BRAF: variants seen among roughly 807,000 people sequenced by gnomAD.
The protein encoded by BRAF is B-Raf proto-oncogene, serine/threonine kinase, also known as serine/threonine-protein kinase B-raf.
BRAF carries 16 observed loss-of-function variants against 104.6 expected under a neutral mutation model. The ratio of observed to expected loss-of-function variants is 0.15; its 90% confidence interval spans 0.10 to 0.23. The LOEUF is 0.23. Ranked by LOEUF, BRAF falls within the 10% of genes least tolerant of loss-of-function variation. BRAF has a pLI of 1.00. For synonymous variants in BRAF, 310 were observed against 341.6 expected, an observed-to-expected ratio of 0.91 and a Z score of 1.02; for missense variants, 541 against 937.3, an observed-to-expected ratio of 0.58 and a Z score of 5.52.
chr7:140,818,151 G>A (rs913824713), intron 3 of BRAF, among the ~76,000 whole-genome samples: 31 of 152,184 alleles, frequency 2.0e-4, no homozygotes, highest in Non-Finnish European at 4.0e-4. Context: ...AAGATGGGAC[G>A]ATGGGTGTCC....
At chr7:140,715,354 A>AT (rs111633692), downstream of BRAF, among the ~76,000 whole-genome samples, 1,496 of 152,200 alleles carry the variant, frequency 9.8e-3, 29 homozygotes, top group African/African-American at 0.034. Context: ...TGATGAAGTG[A>AT]TGTTTAAGGT....
intron 1 of BRAF, among the ~76,000 whole-genome samples, chr7:140,910,219 T>C (rs779473375): frequency 2.0e-5 from 3 of 152,066 alleles, no homozygotes; most frequent in Non-Finnish European, 4.4e-5. Flanking sequence ...AATCAGCTCA[T>C]TGTTTCTTAA....
In BRAF at chr7:140,777,890, T is replaced by C. The variant is rs558070632; in HGVS notation, c.1637+101A>G. ...TACTCTGTTTCTACAAATTTATTCA[T>C]TTTGAGTAAATCTGTAAAGCTAATA... On this transcript the variant is annotated intron_variant, in intron 13 of 19. Coordinates refer to ENST00000644969, the MANE Select transcript of BRAF (RefSeq NM_001374258.1). 2.6e-6 allele frequency: 3 copies of C among 1,160,002 alleles called. No individual in the cohort carries two copies. The South Asian group carries it at 3.9e-5, about 15-fold the overall frequency. The allele number at this position is 1,160,002 out of a possible 1,614,324, so 71.9% of individuals were successfully genotyped here.
chr7:140,779,933 A>G (rs1429114334), intron 12 of BRAF: 1 of 152,222 alleles, frequency 6.6e-6, no homozygotes, highest in East Asian at 1.9e-4. Flanking sequence ...CCTTGTCTCA[A>G]AACAAAACAA....
intron 1 of BRAF, among the ~76,000 whole-genome samples, chr7:140,923,036 T>C (rs1818391521): frequency 6.6e-6 from 1 of 152,122 alleles, no homozygotes; most frequent in Non-Finnish European, 1.5e-5. Context: ...TTTAAGAAAC[T>C]TAAAAATGAG....
chr7:140,857,912 T>C lies in BRAF; in HGVS notation c.139-7700A>G, dbSNP rs546829631. ...AAAAATTAAAAGGGTGGGAGAGCAG[T>C]TGCTCACACTGTAGGGGATTATTAC... On this transcript the variant is annotated intron_variant, in intron 1 of 19. Transcript: ENST00000644969. Among the ~76,000 whole-genome samples, 16 of 152,300 alleles carry C rather than the reference T, an allele frequency of 1.1e-4. No individual in the cohort carries two copies. In the South Asian group the frequency reaches 1.5e-3, roughly 14 times the overall value.
Position 140,725,330 on chromosome 7 carries a change from A to G in BRAF, c.*1164T>C. 2.0e-6 allele frequency: 2 copies of G among 1,009,292 alleles called. No individual in the cohort carries two copies. The allele number at this position is 1,009,292 out of a possible 1,614,324, so 62.5% of individuals were successfully genotyped here. On this transcript the variant is annotated 3_prime_UTR_variant, in exon 20 of 20. Transcript: ENST00000644969. ...ATTTGTCATTATGCTAAGACTCCTC[A>G]TATTTAGGTAGAGAAAAGGATAATG...
chr7:140,775,914 G>C (rs561842036), intron 14 of BRAF, among the ~76,000 whole-genome samples: 1 of 152,154 alleles, frequency 6.6e-6, no homozygotes, highest in Non-Finnish European at 1.5e-5. Flanking sequence ...CTTGCTAGGA[G>C]CAATACTCAG....
At chr7:140,918,420 T>C (rs1403587707) in intron 1 of BRAF, among the ~76,000 whole-genome samples, 1 of 152,056 alleles carries the variant, frequency 6.6e-6, no homozygotes, top group Non-Finnish European at 1.5e-5. Context: ...TGACAGGAGG[T>C]GGAGCTTTGG....
chr7:140,864,732 A>G (rs1277535768), intron 1 of BRAF, among the ~76,000 whole-genome samples: 4 of 152,250 alleles, frequency 2.6e-5, no homozygotes, highest in African/African-American at 9.6e-5. Context: ...ATATCTGTAC[A>G]TATTTGGTCA....
chr7:140,874,345 G>A (rs976929991), intron 1 of BRAF, among the ~76,000 whole-genome samples: 1 of 151,582 alleles, frequency 6.6e-6, no homozygotes, highest in Non-Finnish European at 1.5e-5. Flanking sequence ...GGGATTACAG[G>A]CACGCGCCAC....
intron 1 of BRAF, among the ~76,000 whole-genome samples, chr7:140,916,911 A>G (rs1400297829): frequency 6.6e-6 from 1 of 152,246 alleles, no homozygotes; most frequent in Non-Finnish European, 1.5e-5. Flanking sequence ...TAAAGCTATC[A>G]TAACTAAGGT....
chr7:140,730,821 C>T (rs886891254), intron 19 of BRAF: 2 of 151,882 alleles, frequency 1.3e-5, no homozygotes, highest in Non-Finnish European at 2.9e-5. Flanking sequence ...TTACTCTTAC[C>T]CTTTACTCCA....
intron 18 of BRAF, 144 bp from the exon 18 acceptor site, chr7:140,734,914 C>G (rs1180357848): frequency 2.2e-6 from 2 of 890,038 alleles, no homozygotes; most frequent in Non-Finnish European, 3.3e-6. Context: ...AAGAAAGCAC[C>G]TGAAATCTTA....
At chr7:140,763,754 T>G (rs893735829) in intron 14 of BRAF, among the ~76,000 whole-genome samples, 35 of 152,208 alleles carry the variant, frequency 2.3e-4, no homozygotes, top group Non-Finnish European at 4.4e-4. Flanking sequence ...CAGGAAGAAG[T>G]TGAATCTCTG....
At chr7:140,764,729 C>T (rs1182590033) in intron 14 of BRAF, among the ~76,000 whole-genome samples, 1 of 152,102 alleles carries the variant, frequency 6.6e-6, no homozygotes, top group African/African-American at 2.4e-5. Context: ...TACTTAGGAA[C>T]CCAACTTACA....
rs371816157 is a variant in BRAF, at chr7:140,784,189, T to A, written c.1298-1032A>T. Reference sequence around the variant, plus strand: ...CTTAAGGAAAAAAAGAGCCACTATCTTTCAGATAACAAGGATACCAATAAC... The same window carrying A: ...CTTAAGGAAAAAAAGAGCCACTATCATTCAGATAACAAGGATACCAATAAC... On this transcript the variant is annotated intron_variant, in intron 10 of 19. Coordinates refer to ENST00000644969, the MANE Select transcript of BRAF (RefSeq NM_001374258.1). Among the ~76,000 whole-genome samples, 7 of 152,356 alleles carry A rather than the reference T, an allele frequency of 4.6e-5. No individual in the cohort carries two copies. In the South Asian group the frequency reaches 1.4e-3, roughly 32 times the overall value.
intron 1 of BRAF, among the ~76,000 whole-genome samples, chr7:140,865,011 A>G (rs1255314678): frequency 6.6e-6 from 1 of 152,206 alleles, no homozygotes; most frequent in Non-Finnish European, 1.5e-5. Context: ...ATTTCTCAGT[A>G]AAGTTTGAAG....
At chr7:140,733,808 G>C (rs1446952210) in intron 19 of BRAF, 2 of 179,670 alleles carry the variant, frequency 1.1e-5, no homozygotes, top group African/African-American at 4.8e-5. Flanking sequence ...TTGCAGGGGA[G>C]AGATTGGGTG....
Sources: allele counts gnomAD v4.1 joint callset (sites outside exome capture counted in the v4.1 genomes callset), GRCh38; gene constraint gnomAD v4.1.1; transcripts MANE v1.5; gene names NCBI Gene and HGNC (gene_info 2026-07-23, HGNC 2026-07-21).